Variants in PTPRN2 observed in about 807,000 individuals in gnomAD.
PTPRN2 encodes the protein protein tyrosine phosphatase receptor type N2.
A neutral mutation model predicts 118.8 loss-of-function variants in PTPRN2; 74 were observed. That is an observed-to-expected ratio of 0.62 (90% CI 0.52 to 0.76). The LOEUF is 0.76. PTPRN2 is among the 30% of genes least tolerant of loss of function. The probability of loss-of-function intolerance (pLI) is 0.00; values close to 1 mark genes in which losing one functional copy is unlikely to be tolerated. For synonymous variants in PTPRN2, 641 were observed against 608.0 expected, an observed-to-expected ratio of 1.05 and a Z score of -0.80; for missense variants, 1,481 against 1,394.4, an observed-to-expected ratio of 1.06 and a Z score of -0.99.
chr7:157,678,346 T>C (rs1406053344), intron 13 of PTPRN2, among the ~76,000 whole-genome samples: 1 of 152,226 alleles, frequency 6.6e-6, no homozygotes, highest in Admixed American at 6.5e-5. Flanking sequence ...GTCACTGTTT[T>C]CCAATTTAAT....
intron 2 of PTPRN2, among the ~76,000 whole-genome samples, chr7:158,362,248 G>A (rs971705777): frequency 6.6e-5 from 10 of 152,286 alleles, no homozygotes; most frequent in East Asian, 3.9e-4. Flanking sequence ...CTGCCCGCCC[G>A]GCCTCAGCCT....
chr7:158,134,461 T>C (rs748852369), intron 8 of PTPRN2, among the ~76,000 whole-genome samples: 15 of 151,934 alleles, frequency 9.9e-5, no homozygotes, highest in Non-Finnish European at 1.2e-4. Flanking sequence ...ATAATAATAA[T>C]AACAAATTTG....
intron 10 of PTPRN2, among the ~76,000 whole-genome samples, chr7:158,107,802 T>C (rs1815806362): frequency 6.6e-6 from 1 of 151,752 alleles, no homozygotes; most frequent in Admixed American, 6.6e-5. Flanking sequence ...CAGCAGCCCA[T>C]GAACATGCCC....
chr7:158,430,916 C>T (rs1020169994), intron 2 of PTPRN2, among the ~76,000 whole-genome samples: 1 of 152,196 alleles, frequency 6.6e-6, no homozygotes, highest in African/African-American at 2.4e-5. Context: ...CTGACCCTGG[C>T]TGTGTCTGAC....
Position 158,333,455 on chromosome 7 carries a change from C to A in PTPRN2, c.164-16523G>T, listed in dbSNP as rs1373067793. On this transcript the variant is annotated intron_variant, in intron 2 of 22. Coordinates refer to ENST00000389418, the MANE Select transcript of PTPRN2 (RefSeq NM_002847.5). ...AGAGGTGACACCTGCAGACGTCTCT[C>A]ACACCCACACTCTCTCCATAAGAGG... 4.8e-5 allele frequency among the ~76,000 whole-genome samples: 7 copies of A among 147,280 alleles called. No homozygotes were observed. In the East Asian group the frequency reaches 1.4e-3, roughly 29 times the overall value.
intron 12 of PTPRN2, among the ~76,000 whole-genome samples, chr7:157,897,884 C>T (rs2128751281): frequency 6.6e-6 from 1 of 152,396 alleles, no homozygotes; most frequent in South Asian, 2.1e-4. Flanking sequence ...CTGTGAAACC[C>T]GAAATCTCGA....
At chr7:158,416,650 T>C (rs952811643) in intron 2 of PTPRN2, among the ~76,000 whole-genome samples, 13 of 151,988 alleles carry the variant, frequency 8.6e-5, no homozygotes, top group Non-Finnish European at 7.4e-5. Context: ...AAAGGGATGG[T>C]GCTGGAAGTG....
At position 158,128,878 on chromosome 7, in the gene PTPRN2, G is replaced by A. The variant is rs113980000; in HGVS notation, c.1556+4799C>T. ...CTGCAGGGAAACACACAGTGTCCAC[G>A]AACACAACATGGGGGCCTTCAGGAG... is the stretch of plus-strand genomic sequence containing the variant. On this transcript the variant is annotated intron_variant, in intron 9 of 22. Coordinates refer to ENST00000389418, the MANE Select transcript of PTPRN2 (RefSeq NM_002847.5). Among the ~76,000 whole-genome samples the A allele has an allele frequency of 3.5e-3, 531 of 152,158 alleles. 5 individuals are homozygous for A. Among genetic ancestry groups the A allele is most frequent in the African/African-American group, 0.012 (501 of 41,512 alleles).
In PTPRN2 at chr7:157,778,755, G is replaced by A. The variant is rs138667456; in HGVS notation, c.1789-95818C>T. Among the ~76,000 whole-genome samples, 56 of 152,120 alleles carry A rather than the reference G, an allele frequency of 3.7e-4. 1 individual carries two copies. In the East Asian group the frequency reaches 9.9e-3, roughly 27 times the overall value. On this transcript the variant is annotated intron_variant, in intron 12 of 22. Transcript: ENST00000389418. ...AGGTGCCGAATGCCCACGTAAACAT[G>A]TCCACGTGAATACGGGTGCCGAATG...
intron 1 of PTPRN2, among the ~76,000 whole-genome samples, chr7:158,538,212 T>C (rs1825762319): frequency 6.6e-6 from 1 of 152,204 alleles, no homozygotes; most frequent in Non-Finnish European, 1.5e-5. Flanking sequence ...CTGGAAAATG[T>C]GGGGACACTT....
intron 2 of PTPRN2, among the ~76,000 whole-genome samples, chr7:158,437,185 C>A (rs926073691): frequency 6.6e-6 from 1 of 152,142 alleles, no homozygotes; most frequent in Admixed American, 6.6e-5. Context: ...TTCCCAGGGA[C>A]CTTCTTCCAG....
At chr7:158,373,838 G>T (rs568524141) in intron 2 of PTPRN2, among the ~76,000 whole-genome samples, 1 of 152,154 alleles carries the variant, frequency 6.6e-6, no homozygotes, top group Non-Finnish European at 1.5e-5. Context: ...GCATCTGGGC[G>T]CCCTCTCTGG....
At chr7:158,314,652 C>T (rs527640781) in intron 3 of PTPRN2, among the ~76,000 whole-genome samples, 140 of 146,902 alleles carry the variant, frequency 9.5e-4, no homozygotes, top group Non-Finnish European at 1.6e-3. Context: ...AGCTGCCCGG[C>T]GCCCTGGCCC....
Position 158,003,628 on chromosome 7 carries a change from G to C in PTPRN2, c.1723+77670C>G, listed in dbSNP as rs1015162385. 6.6e-6 allele frequency among the ~76,000 whole-genome samples: 1 copy of C among 152,092 alleles called. No homozygotes were observed. Among genetic ancestry groups the C allele is most frequent in the African/African-American group, 2.4e-5 (1 of 41,430 alleles). ...CCAGACCCAGGCCTTGGGGACTGCA[G>C]AGGATGGATGTCTGCCCCACCTGTG... On this transcript the variant is annotated intron_variant, in intron 11 of 22. Transcript: ENST00000389418. This position sits in a 1 kb window ranked among gnomAD's most constrained non-coding sequence, Gnocchi z 5.0.
chr7:158,152,173 CAA>C (rs56870265), intron 6 of PTPRN2, among the ~76,000 whole-genome samples: 1 of 83,364 alleles, frequency 1.2e-5, no homozygotes, highest in South Asian at 5.0e-4. Flanking sequence ...GACTCTGTCT[CAA>C]AAAAAAAAAA....
At chr7:158,118,964 AG>A (rs1262481706) in intron 9 of PTPRN2, among the ~76,000 whole-genome samples, 1 of 152,208 alleles carries the variant, frequency 6.6e-6, no homozygotes, top group African/African-American at 2.4e-5. Flanking sequence ...GGTCTCCCAA[AG>A]TACTGAAATT....
At chr7:158,150,077 A>T (rs1157894998) in intron 6 of PTPRN2, among the ~76,000 whole-genome samples, 3 of 152,138 alleles carry the variant, frequency 2.0e-5, no homozygotes, top group Non-Finnish European at 2.9e-5. Flanking sequence ...CATCTGAGGG[A>T]AGAGGCCGTG....
At chr7:158,359,460 A>G (rs1808665529) in intron 2 of PTPRN2, among the ~76,000 whole-genome samples, 1 of 152,198 alleles carries the variant, frequency 6.6e-6, no homozygotes, top group Admixed American at 6.5e-5. Flanking sequence ...GGGGGGACCC[A>G]GCTGGAGCCA....
chr7:158,336,537 T>A (rs1431986432), intron 2 of PTPRN2, among the ~76,000 whole-genome samples: 1 of 97,052 alleles, frequency 1.0e-5, no homozygotes, highest in East Asian at 3.4e-4. Flanking sequence ...AGGTGAAACC[T>A]GCCGACGTCA....
Sources: gnomAD v4.1 joint callset for allele counts (sites outside exome capture counted in the v4.1 genomes callset) on GRCh38, gnomAD v4.1.1 for gene constraint, Gnocchi (gnomAD v3.1) non-coding constraint, MANE v1.5 for transcripts, NCBI Gene and HGNC (gene_info 2026-07-23, HGNC 2026-07-21) for gene names.